Variants in GRK7 observed in about 807,000 individuals in gnomAD.
GRK7 encodes G protein-coupled receptor kinase 7, also known as rhodopsin kinase GRK7.
GRK7 carries 24 observed loss-of-function variants against 34.1 expected under a neutral mutation model. That is an observed-to-expected ratio of 0.70 (90% CI 0.51 to 0.99). The LOEUF (loss-of-function observed/expected upper bound fraction) is 0.99. Among genes scored for constraint, GRK7 ranks in the 50% least tolerant of loss-of-function variants. GRK7 has a pLI of 0.00. For synonymous variants in GRK7, 256 were observed against 279.4 expected (o/e 0.92, Z 0.84); for missense variants, 644 against 707.3 (o/e 0.91, Z 1.02).
chr3:141,802,571 T>G (rs1710981630), intron 4 of GRK7, among the ~76,000 whole-genome samples: 1 of 152,162 alleles, frequency 6.6e-6, no homozygotes, highest in African/African-American at 2.4e-5. Flanking sequence ...TCACATACCT[T>G]CCTACATTCC....
upstream of GRK7, among the ~76,000 whole-genome samples, chr3:141,763,347 C>G (rs930703626): frequency 2.6e-5 from 4 of 152,194 alleles, no homozygotes; most frequent in Non-Finnish European, 4.4e-5. Context: ...CCATTCCTTG[C>G]TGTTAGGTCC....
chr3:141,750,012 G>A, the GRK7 span, among the ~76,000 whole-genome samples: 88 of 146,936 alleles, frequency 6.0e-4, no homozygotes, highest in Middle Eastern at 3.5e-3. Flanking sequence ...GCGAGACTCC[G>A]TCTCAAAAAA....
At chr3:141,801,790 A>C (rs1710971441) in intron 4 of GRK7, among the ~76,000 whole-genome samples, 1 of 152,196 alleles carries the variant, frequency 6.6e-6, no homozygotes, top group Non-Finnish European at 1.5e-5. Flanking sequence ...TAGATGAGAC[A>C]ATATTGGCCA....
chr3:141,806,764 T>C (rs1287855918), intron 4 of GRK7, among the ~76,000 whole-genome samples: 1 of 151,956 alleles, frequency 6.6e-6, no homozygotes, highest in Non-Finnish European at 1.5e-5. Context: ...GTTTAATGAG[T>C]GTAAATTATC....
chr3:141,767,035 G>A (rs965205830), intron 1 of GRK7, among the ~76,000 whole-genome samples: 3 of 152,184 alleles, frequency 2.0e-5, no homozygotes, highest in Non-Finnish European at 4.4e-5. Flanking sequence ...AAAACAATTA[G>A]AGTCTTGTTT....
In GRK7 at chr3:141,764,085, C is replaced by T. The variant is rs2084569223; in HGVS notation, c.-1868C>T. ...CTCCAGCAGTCACTGTGTCTTCTTG[C>T]AGCCCCACAAATCACTCGCTGAGTT... On this transcript the variant is annotated 5_prime_UTR_variant, in exon 1 of 6. Coordinates refer to ENST00000682958, the MANE Select transcript of GRK7 (RefSeq NM_139209.3). Among the ~76,000 whole-genome samples the T allele has an allele frequency of 6.6e-6, 1 of 152,182 alleles. No homozygotes were observed. The highest frequency in any genetic ancestry group is 2.4e-5 in the African/African-American group (1 of 41,448).
rs925180463 is a variant in GRK7, at chr3:141,778,018, G to C, written c.-113-154G>C. 2.1e-6 allele frequency: 1 copy of C among 477,594 alleles called. No individual in the cohort carries two copies. The highest frequency in any genetic ancestry group is 3.7e-6 in the Non-Finnish European group (1 of 272,166). 29.6% of individuals were successfully genotyped at this position (477,594 alleles called of 1,614,324 possible). On this transcript the variant is annotated intron_variant, in intron 2 of 5. Coordinates refer to ENST00000682958, the MANE Select transcript of GRK7 (RefSeq NM_139209.3). The surrounding 1 kb of genome is among the most constrained non-coding windows in gnomAD (Gnocchi z 4.1). The stretch of plus-strand genomic sequence containing the variant: ...AAGACCCTAAGATGAAGGGACCAGT[G>C]GGGGAGGTGGCCCCGGCAGGTGTCC...
chr3:141,774,200 A>G (rs2084628666), intron 1 of GRK7, among the ~76,000 whole-genome samples: 1 of 152,198 alleles, frequency 6.6e-6, no homozygotes, highest in Non-Finnish European at 1.5e-5. Context: ...TCAGAAGCCG[A>G]AGCAGATGGA....
At chr3:141,770,125 G>A (rs6765025) in intron 1 of GRK7, among the ~76,000 whole-genome samples, 10,409 of 152,200 alleles carry the variant, frequency 0.068, 1,218 homozygotes, top group African/African-American at 0.24. Context: ...ACGTTGGCCA[G>A]GCTGATCTCA....
At position 141,818,647 on chromosome 3, in the gene GRK7, G is replaced by A. The variant is rs985123429; in HGVS notation, c.*1597G>A. On this transcript the variant is annotated 3_prime_UTR_variant, in exon 6 of 6. Coordinates refer to ENST00000682958, the MANE Select transcript of GRK7 (RefSeq NM_139209.3). ...ATTCTACAGCTGCGAAAAAATATTT[G>A]GGATACAAATATAAAGCTGAGTGAT... Among the ~76,000 whole-genome samples, 2 of 152,080 alleles carry A rather than the reference G, an allele frequency of 1.3e-5. No individual in the cohort carries two copies. The highest frequency in any genetic ancestry group is 2.4e-5 in the African/African-American group (1 of 41,398).
At chr3:141,777,866 T>C (rs1002337116) in intron 2 of GRK7, among the ~76,000 whole-genome samples, 3 of 152,114 alleles carry the variant, frequency 2.0e-5, no homozygotes, top group African/African-American at 7.2e-5. Context: ...TTGAGGCTGA[T>C]AGGAAACAAG....
chr3:141,792,060 T>C (rs2107885005), intron 4 of GRK7, among the ~76,000 whole-genome samples: 1 of 145,066 alleles, frequency 6.9e-6, no homozygotes, highest in Admixed American at 6.9e-5. Context: ...AAAATGGACA[T>C]GATTCCTGCC....
chr3:141,784,269 G>A (rs1439794820), intron 4 of GRK7, among the ~76,000 whole-genome samples: 3 of 152,182 alleles, frequency 2.0e-5, no homozygotes, highest in East Asian at 1.9e-4. Flanking sequence ...TACCAGGAAC[G>A]TACTTAGTAG....
chr3:141,802,365 G>GCCACACACACACACAC (rs1577923831), intron 4 of GRK7, among the ~76,000 whole-genome samples: 1 of 34,210 alleles, frequency 2.9e-5, no homozygotes, highest in South Asian at 6.9e-4. Flanking sequence ...CTCTTTCTCT[G>GCCACACACACACACAC]TCACACACAC....
At chr3:141,770,708 C>T (rs564645899) in intron 1 of GRK7, among the ~76,000 whole-genome samples, 21 of 152,242 alleles carry the variant, frequency 1.4e-4, no homozygotes, top group African/African-American at 4.6e-4. Context: ...TGAGATACCA[C>T]CTCACACCAG....
chr3:141,789,365 A>T (rs1577918450), intron 4 of GRK7, among the ~76,000 whole-genome samples: 1 of 152,154 alleles, frequency 6.6e-6, no homozygotes, highest in Non-Finnish European at 1.5e-5. Context: ...TACTCCCTGC[A>T]CGGGAGCCAC....
chr3:141,772,133 C>A (rs150945177), intron 1 of GRK7, among the ~76,000 whole-genome samples: 16 of 152,148 alleles, frequency 1.1e-4, no homozygotes, highest in Non-Finnish European at 1.6e-4. Flanking sequence ...ATCTTGCTGT[C>A]ACCCAGGGTA....
At chr3:141,784,226 G>A (rs1046575591) in intron 4 of GRK7, among the ~76,000 whole-genome samples, 4 of 152,156 alleles carry the variant, frequency 2.6e-5, no homozygotes, top group African/African-American at 7.2e-5. Context: ...GGAACGTGCA[G>A]GAAGGTTTCT....
intron 4 of GRK7, among the ~76,000 whole-genome samples, chr3:141,791,448 A>G (rs2084723755): frequency 6.6e-6 from 1 of 152,142 alleles, no homozygotes; most frequent in South Asian, 2.1e-4. Flanking sequence ...GCATGAAGTC[A>G]TGGTCACACT....
Sources: gnomAD v4.1 joint callset for allele counts (sites outside exome capture counted in the v4.1 genomes callset) on GRCh38, gnomAD v4.1.1 for gene constraint, Gnocchi (gnomAD v3.1) non-coding constraint, MANE v1.5 for transcripts, NCBI Gene and HGNC (gene_info 2026-07-23, HGNC 2026-07-21) for gene names.